Variants in PRR14L observed in about 807,000 individuals in gnomAD.
PRR14L encodes proline rich 14 like.
PRR14L carries 80 observed loss-of-function variants against 155.0 expected under a neutral mutation model. The ratio of observed to expected loss-of-function variants is 0.52; its 90% confidence interval spans 0.43 to 0.62. The LOEUF (loss-of-function observed/expected upper bound fraction) is 0.62, where lower values mean the gene tolerates loss of function less well. PRR14L is among the 20% of genes least tolerant of loss of function. The probability of loss-of-function intolerance (pLI) is 0.00; values close to 1 mark genes in which losing one functional copy is unlikely to be tolerated. For missense variants in PRR14L, 2,469 were observed against 2,548.0 expected (o/e 0.97, Z 0.67); for synonymous variants, 883 against 916.0 (o/e 0.96, Z 0.65).
At chr22:31,747,711 T>C (rs1324195195) in intron 1 of PRR14L, among the ~76,000 whole-genome samples, 1 of 151,398 alleles carries the variant, frequency 6.6e-6, no homozygotes, top group Admixed American at 6.6e-5. Context: ...TCAACGGCGT[T>C]TGAGGTAATT....
chr22:31,713,833 C>T lies in PRR14L; in HGVS notation c.4006G>A (p.Glu1336Lys). Reference protein sequence around the residue: ...TVKTDIKVKGEETEEHQRGRL... With the variant: ...TVKTDIKVKGKETEEHQRGRL... ...CCCCTCTGATGCTCTTCGGTTTCTT[C>T]TCCTTTCACTTTAATATCTGTTTTC... The change falls in exon 4 of 9, where the codon GAA becomes AAA. Residue 1336 changes from glutamate (E) to lysine (K), a missense_variant. Around this residue, in one of 2 missense-constraint regions of PRR14L, gnomAD observed 2,363 missense variants for 2,371.6 expected, o/e 1.00. Coordinates refer to ENST00000327423, the MANE Select transcript of PRR14L (RefSeq NM_173566.3). The T allele has an allele frequency of 6.4e-7, 1 of 1,552,334 alleles. No homozygotes were observed. Among genetic ancestry groups the T allele is most frequent in the South Asian group, 1.2e-5 (1 of 84,062 alleles).
intron 2 of PRR14L, among the ~76,000 whole-genome samples, chr22:31,736,561 A>C (rs2074782847): frequency 1.3e-5 from 2 of 152,212 alleles, no homozygotes; most frequent in African/African-American, 4.8e-5. Context: ...ATGGGAGCCT[A>C]GCCTAGGCAG....
In PRR14L at chr22:31,714,534, T is replaced by C. The variant is rs2147863968; in HGVS notation, c.3305A>G (p.Asp1102Gly). ...SRSTLSRRELDAAHTGTTGQD... is the reference protein window; with the variant it reads ...SRSTLSRRELGAAHTGTTGQD... ...ACCAGTTGTTCCTGTATGTGCAGCA[T>C]CCAGTTCTCTCCGAGACAAGGTACT... The change falls in exon 4 of 9, where the codon GAT becomes GGT. Residue 1102 changes from aspartate to glycine, a missense_variant. Physicochemically the swap from Asp to Gly is moderately conservative, Grantham distance 94 (BLOSUM62 -1). Transcript: ENST00000327423. 1 of 1,552,110 alleles carries C rather than the reference T, an allele frequency of 6.4e-7. No homozygotes were observed. Among genetic ancestry groups the C allele is most frequent in the Non-Finnish European group, 8.7e-7 (1 of 1,147,072 alleles).
rs533531177 is a variant in PRR14L at position 31,689,702 on chromosome 22, TG to T, written c.6108-1476del. Among the ~76,000 whole-genome samples, 3 of 152,234 alleles carry T rather than the reference TG, an allele frequency of 2.0e-5. No homozygotes were observed. The East Asian group carries it at 5.8e-4, about 29-fold the overall frequency. On this transcript the variant is annotated intron_variant, in intron 7 of 8. Coordinates refer to ENST00000327423, the MANE Select transcript of PRR14L (RefSeq NM_173566.3). ...CTCCTGTCTCTGCCTCCCGTGTAGCTGGGACCACAGGTGTGTGCCACCACAG... is the reference window on the plus strand; with the variant it reads ...CTCCTGTCTCTGCCTCCCGTGTAGCTGGACCACAGGTGTGTGCCACCACAG...
At chr22:31,698,648 C>T (rs939747294) in intron 7 of PRR14L, among the ~76,000 whole-genome samples, 2 of 151,842 alleles carry the variant, frequency 1.3e-5, no homozygotes, top group African/African-American at 2.4e-5. Context: ...TGGCTGGGCA[C>T]GGTGGGTCAC....
intron 7 of PRR14L, among the ~76,000 whole-genome samples, chr22:31,689,339 A>T (rs965346451): frequency 1.3e-5 from 2 of 152,064 alleles, no homozygotes; most frequent in South Asian, 4.1e-4. Context: ...AAAAATAAAG[A>T]AAAAACTGGC....
rs1486341590 is a variant in PRR14L at position 31,714,894 on chromosome 22, C to T, written c.2945G>A (p.Cys982Tyr). 1 of 1,551,952 alleles carries T rather than the reference C, an allele frequency of 6.4e-7. No individual in the cohort carries two copies. The highest frequency in any genetic ancestry group is 8.7e-7 in the Non-Finnish European group (1 of 1,147,050). ...CQSNQNRPDE[C>Y]KSEGQSAKEM... is the part of the protein sequence containing the mutation. ...CTTGGCTGACTGACCTTCACTTTTG[C>T]ATTCATCTGGTCTGTTTTGGTTACT... The change falls in exon 4 of 9, where the codon TGC becomes TAC. Residue 982 changes from cysteine (C) to tyrosine (Y), a missense_variant. By Grantham distance (194) the Cys-to-Tyr change is radical. Around this residue, in one of 2 missense-constraint regions of PRR14L, gnomAD observed 2,363 missense variants for 2,371.6 expected, o/e 1.00. Coordinates refer to ENST00000327423, the MANE Select transcript of PRR14L (RefSeq NM_173566.3).
intron 4 of PRR14L, 98 bp downstream of exon 4, chr22:31,711,985 C>T: frequency 8.6e-7 from 1 of 1,156,994 alleles, no homozygotes; most frequent in Non-Finnish European, 1.2e-6. Context: ...CCCAAGAGGA[C>T]TCTAAATAGC....
At chr22:31,718,670 C>T (rs1448942467) in intron 3 of PRR14L, among the ~76,000 whole-genome samples, 10 of 147,740 alleles carry the variant, frequency 6.8e-5, no homozygotes, top group African/African-American at 1.1e-4. Flanking sequence ...CCTAAGAGAA[C>T]CCTGACTAGC....
intron 4 of PRR14L, among the ~76,000 whole-genome samples, chr22:31,710,619 AT>A (rs921188599): frequency 1.3e-5 from 2 of 151,498 alleles, no homozygotes; most frequent in Non-Finnish European, 1.5e-5. Flanking sequence ...TGCCCGGCTA[AT>A]TTTTTTTGTA....
At chr22:31,689,505 T>C (rs751951416) in intron 7 of PRR14L, among the ~76,000 whole-genome samples, 1 of 152,178 alleles carries the variant, frequency 6.6e-6, no homozygotes, top group Non-Finnish European at 1.5e-5. Context: ...CCATTTAAAA[T>C]GTACAATTCA....
chr22:31,745,528 G>C (rs2074832990), intron 1 of PRR14L, among the ~76,000 whole-genome samples: 1 of 152,070 alleles, frequency 6.6e-6, no homozygotes, highest in Non-Finnish European at 1.5e-5. Context: ...ATGCAATGGA[G>C]CAATCTAAAA....
At chr22:31,689,336 A>G (rs1019857988) in intron 7 of PRR14L, among the ~76,000 whole-genome samples, 3 of 152,126 alleles carry the variant, frequency 2.0e-5, no homozygotes, top group Admixed American at 6.6e-5. Context: ...TTAAAAAATA[A>G]AGAAAAAACT....
At chr22:31,733,224 G>A (rs1418482180) in intron 2 of PRR14L, among the ~76,000 whole-genome samples, 2 of 150,680 alleles carry the variant, frequency 1.3e-5, no homozygotes, top group African/African-American at 2.4e-5. Flanking sequence ...CCTGACCTCA[G>A]ACCTCAGGCA....
chr22:31,728,047 TGA>T, intron 2 of PRR14L, among the ~76,000 whole-genome samples: 1 of 151,578 alleles, frequency 6.6e-6, no homozygotes, highest in Non-Finnish European at 1.5e-5. Flanking sequence ...AGGTCAAATG[TGA>T]GAGACCTCCC....
At chr22:31,700,179 T>C (rs1030676050) in intron 7 of PRR14L, among the ~76,000 whole-genome samples, 8 of 152,210 alleles carry the variant, frequency 5.3e-5, no homozygotes, top group Admixed American at 1.3e-4. Context: ...TTTTTTGGCA[T>C]ATAACTTGAA....
intron 7 of PRR14L, among the ~76,000 whole-genome samples, chr22:31,693,632 C>T (rs150766650): frequency 0.013 from 1,996 of 152,268 alleles, 14 homozygotes; most frequent in Middle Eastern, 0.031. Flanking sequence ...TAGTTTTGTA[C>T]GGGACTTGCC....
intron 2 of PRR14L, among the ~76,000 whole-genome samples, chr22:31,729,360 C>T (rs183896875): frequency 6.6e-6 from 1 of 152,102 alleles, no homozygotes; most frequent in Non-Finnish European, 1.5e-5. Context: ...TACAGGCACC[C>T]GCCACTACGC....
chr22:31,746,396 C>T (rs8136615), intron 1 of PRR14L, among the ~76,000 whole-genome samples: 5,154 of 152,240 alleles, frequency 0.034, 109 homozygotes, highest in South Asian at 0.063. Flanking sequence ...ACCACCAATG[C>T]TTTTACATTA....
Sources: allele counts gnomAD v4.1 joint callset (sites outside exome capture counted in the v4.1 genomes callset), GRCh38; gene constraint gnomAD v4.1.1; regional missense constraint gnomAD v4.1.1; transcripts MANE v1.5; gene names NCBI Gene and HGNC (gene_info 2026-07-23, HGNC 2026-07-21).